Variants in TDRP observed in about 807,000 individuals in gnomAD.
TDRP encodes the protein testis development-related protein.
Under a neutral mutation model 10.5 loss-of-function variants are expected in TDRP, and 12 were observed. The ratio of observed to expected loss-of-function variants is 1.15; its 90% confidence interval spans 0.73 to 1.86. The LOEUF (loss-of-function observed/expected upper bound fraction) is 1.86, where lower values mean the gene tolerates loss of function less well. Ranked by LOEUF, TDRP falls within the 40% of genes most tolerant of loss-of-function variation. The probability of loss-of-function intolerance (pLI) is 0.00; values close to 1 mark genes in which losing one functional copy is unlikely to be tolerated. For missense variants in TDRP, 353 were observed against 229.2 expected (o/e 1.54, Z -3.49); for synonymous variants, 139 against 95.4 (o/e 1.46, Z -2.67).
At chr8:522,751 C>G (rs1444870353) in intron 1 of TDRP, among the ~76,000 whole-genome samples, 2 of 152,172 alleles carry the variant, frequency 1.3e-5, no homozygotes, top group African/African-American at 4.8e-5. Flanking sequence ...GCCTCTGATT[C>G]CTCAATTATC....
chr8:524,323 G>A (rs568490957), intron 1 of TDRP, among the ~76,000 whole-genome samples: 1 of 152,164 alleles, frequency 6.6e-6, no homozygotes, highest in Non-Finnish European at 1.5e-5. Flanking sequence ...TTCCCAAGAA[G>A]GATGGGTACA....
At chr8:494,404 G>A (rs1801072463) in intron 2 of TDRP, 90 bp downstream of exon 2, 2 of 1,300,218 alleles carry the variant, frequency 1.5e-6, no homozygotes, top group Non-Finnish European at 2.2e-6. Context: ...CAGTTACACT[G>A]CATTTATGCC....
chr8:493,963 T>A (rs941345383), intron 2 of TDRP, among the ~76,000 whole-genome samples: 1 of 151,626 alleles, frequency 6.6e-6, no homozygotes, highest in Non-Finnish European at 1.5e-5. Flanking sequence ...TTTCTTTTTT[T>A]TTCATCGAAC....
At chr8:523,129 T>C (rs1458279187) in intron 1 of TDRP, among the ~76,000 whole-genome samples, 1 of 152,220 alleles carries the variant, frequency 6.6e-6, no homozygotes, top group Non-Finnish European at 1.5e-5. Context: ...CTTTAATATT[T>C]TGTAGTGAAA....
intron 1 of TDRP, among the ~76,000 whole-genome samples, chr8:510,460 G>C (rs1013242483): frequency 6.6e-6 from 1 of 152,108 alleles, no homozygotes; most frequent in African/African-American, 2.4e-5. Flanking sequence ...CCAAAGACAG[G>C]GAGATAATCT....
intron 1 of TDRP, among the ~76,000 whole-genome samples, chr8:541,918 A>G (rs1802504174): frequency 6.6e-6 from 1 of 152,174 alleles, no homozygotes; most frequent in South Asian, 2.1e-4. Context: ...CCCAAGTTGG[A>G]AACTTAAATT....
chr8:520,551 C>T (rs192558094), intron 1 of TDRP, among the ~76,000 whole-genome samples: 38 of 152,280 alleles, frequency 2.5e-4, no homozygotes, highest in Admixed American at 1.2e-3. Flanking sequence ...ATCATTGTTA[C>T]AAGATTGCCA....
chr8:517,581 C>G (rs1239761977), intron 1 of TDRP, among the ~76,000 whole-genome samples: 2 of 152,218 alleles, frequency 1.3e-5, no homozygotes, highest in African/African-American at 4.8e-5. Context: ...TTTAAATCCA[C>G]CTACAACCTG....
chr8:518,514 G>C (rs1355455604), intron 1 of TDRP, among the ~76,000 whole-genome samples: 2 of 152,160 alleles, frequency 1.3e-5, no homozygotes. Context: ...TGTATATAGA[G>C]ATTTTAGTAT....
intron 1 of TDRP, among the ~76,000 whole-genome samples, chr8:495,323 C>G (rs1801095121): frequency 6.6e-6 from 1 of 152,222 alleles, no homozygotes; most frequent in Non-Finnish European, 1.5e-5. Context: ...AGGGGGTCTT[C>G]TCCAAGGTCC....
rs150109581 is a variant in TDRP, at chr8:516,561, C to T, written c.109-21964G>A. On this transcript the variant is annotated intron_variant, in intron 1 of 2. Coordinates refer to ENST00000324079, the MANE Select transcript of TDRP (RefSeq NM_001384899.1). The stretch of plus-strand genomic sequence containing the variant: ...TGCAAATTAAGACAGCAACAAGACA[C>T]TGCCACACACCTATCAGAACTGACA... 1.3e-3 allele frequency among the ~76,000 whole-genome samples: 195 copies of T among 152,326 alleles called. 1 individual carries two copies. The highest frequency in any genetic ancestry group is 0.012 in the South Asian group (57 of 4,828).
At chr8:496,051 G>A (rs916508740) in intron 1 of TDRP, among the ~76,000 whole-genome samples, 6 of 152,318 alleles carry the variant, frequency 3.9e-5, no homozygotes, top group Non-Finnish European at 7.3e-5. Context: ...CAGTACCCAC[G>A]CCAAAGAAAC....
At chr8:525,490 A>G (rs547938599) in intron 1 of TDRP, among the ~76,000 whole-genome samples, 2 of 152,336 alleles carry the variant, frequency 1.3e-5, no homozygotes, top group South Asian at 2.1e-4. Context: ...CCAATTAAAA[A>G]TAACTTCTTA....
chr8:492,969 A>G (rs1304174387), intron 2 of TDRP, among the ~76,000 whole-genome samples: 1 of 152,226 alleles, frequency 6.6e-6, no homozygotes, highest in East Asian at 1.9e-4. Flanking sequence ...TTGGCAATAC[A>G]TAAGCAAAGA....
At chr8:510,702 G>C (rs1801593381) in intron 1 of TDRP, among the ~76,000 whole-genome samples, 3 of 152,198 alleles carry the variant, frequency 2.0e-5, no homozygotes, top group Admixed American at 1.3e-4. Context: ...TGAACTTCTT[G>C]TTAGCAAACC....
intron 1 of TDRP, among the ~76,000 whole-genome samples, chr8:543,926 G>T (rs1367196460): frequency 7.1e-6 from 1 of 140,520 alleles, no homozygotes; most frequent in East Asian, 2.4e-4. Flanking sequence ...TGGAAAAAGG[G>T]AGGGGGGGGG....
chr8:491,677 AC>A lies in TDRP; in HGVS notation c.*721del, dbSNP rs1800978945. On this transcript the variant is annotated 3_prime_UTR_variant, in exon 3 of 3. Coordinates refer to ENST00000324079, the MANE Select transcript of TDRP (RefSeq NM_001384899.1). The stretch of plus-strand genomic sequence containing the variant: ...TGATCCATACTTCTTTAATCTGTAA[AC>A]AAAAAAGAGAGCAAATGTTTTAAGA... 1 of 1,509,216 alleles carries A rather than the reference AC, an allele frequency of 6.6e-7. No homozygotes were observed. Among genetic ancestry groups the A allele is most frequent in the African/African-American group, 1.4e-5 (1 of 71,406 alleles). 93.5% of individuals were successfully genotyped at this position (1,509,216 alleles called of 1,614,324 possible). A position where few individuals can be genotyped will look rare whatever the true frequency, so the allele number is the denominator to read the frequency against.
intron 1 of TDRP, among the ~76,000 whole-genome samples, chr8:518,744 G>C (rs887254684): frequency 2.1e-5 from 3 of 143,282 alleles, no homozygotes; most frequent in Non-Finnish European, 4.6e-5. Flanking sequence ...AATTGGAAAA[G>C]TAAATAGATT....
At chr8:495,587 C>T (rs1801105590) in intron 1 of TDRP, among the ~76,000 whole-genome samples, 1 of 152,214 alleles carries the variant, frequency 6.6e-6, no homozygotes, top group Non-Finnish European at 1.5e-5. Flanking sequence ...CCTTCATATT[C>T]ACTGATTAAC....
Sources: gnomAD v4.1 joint callset for allele counts (sites outside exome capture counted in the v4.1 genomes callset) on GRCh38, gnomAD v4.1.1 for gene constraint, MANE v1.5 for transcripts, NCBI Gene and HGNC (gene_info 2026-07-23, HGNC 2026-07-21) for gene names.